The following ZFHX3 variants were observed in gnomAD, a reference collection of about 807,000 sequenced individuals.
ZFHX3 encodes the protein zinc finger homeobox 3, also known as zinc finger homeobox protein 3.
ZFHX3 carries 42 observed loss-of-function variants against 279.1 expected under a neutral mutation model. The ratio of observed to expected loss-of-function variants is 0.15; its 90% CI spans 0.12 to 0.19. ZFHX3 has a LOEUF of 0.19. ZFHX3 is among the 10% of genes least tolerant of loss of function. The pLI, the probability that ZFHX3 is intolerant of heterozygous loss-of-function variation, is 1.00. For missense variants in ZFHX3, 4,981 were observed against 4,754.0 expected, an observed-to-expected ratio of 1.05 and a Z score of -1.40; for synonymous variants, 2,293 against 1,957.8, an observed-to-expected ratio of 1.17 and a Z score of -4.52.
intron 2 of ZFHX3, among the ~76,000 whole-genome samples, chr16:73,589,149 A>G (rs1282872834): frequency 1.3e-5 from 2 of 148,442 alleles, no homozygotes; most frequent in Non-Finnish European, 3.0e-5. Flanking sequence ...AATCCCAGCT[A>G]CTCAGGAGGC....
At chr16:73,702,990 T>C (rs2053265375) in intron 1 of ZFHX3, among the ~76,000 whole-genome samples, 1 of 152,016 alleles carries the variant, frequency 6.6e-6, no homozygotes, top group Non-Finnish European at 1.5e-5. Context: ...GCAGCGATGA[T>C]AGCGATGGTG....
intron 1 of ZFHX3, among the ~76,000 whole-genome samples, chr16:73,790,927 A>G (rs543700527): frequency 6.6e-6 from 1 of 152,318 alleles, no homozygotes; most frequent in African/African-American, 2.4e-5. Flanking sequence ...AGTTTCAGGT[A>G]CAATTCTTGT....
At chr16:73,016,456 C>T (rs1388759932) in intron 1 of ZFHX3, among the ~76,000 whole-genome samples, 5 of 152,050 alleles carry the variant, frequency 3.3e-5, no homozygotes, top group Admixed American at 3.3e-4. Context: ...GTGAAAGATA[C>T]GACTTTGAAT....
intron 4 of ZFHX3, among the ~76,000 whole-genome samples, chr16:72,849,789 G>C (rs998522399): frequency 7.2e-6 from 1 of 137,950 alleles, no homozygotes; most frequent in African/African-American, 2.7e-5. Context: ...CCTGTCAAGA[G>C]TGCCTTTACT....
At position 73,703,709 on chromosome 16, in the gene ZFHX3, T is replaced by C. The variant is rs1021670511; in HGVS notation, c.-1607-23469A>G. 2.0e-5 allele frequency among the ~76,000 whole-genome samples: 3 copies of C among 152,160 alleles called. No homozygotes were observed. The South Asian group carries it at 6.2e-4, about 32-fold the overall frequency. ...GCCTGGCAGACACTGGACTGGACTT[T>C]GCAATAACTGAACAGAAGTACATTA... On this transcript the variant is annotated intron_variant, in intron 1 of 17. Transcript: ENST00000641206.
intron 1 of ZFHX3, among the ~76,000 whole-genome samples, chr16:73,805,981 T>A (rs1330430173): frequency 1.3e-5 from 2 of 152,240 alleles, no homozygotes; most frequent in East Asian, 3.9e-4. Context: ...GAAAAGAGAT[T>A]TAATTGACTC....
chr16:73,683,767 G>C (rs2053051002), intron 1 of ZFHX3, among the ~76,000 whole-genome samples: 2 of 152,254 alleles, frequency 1.3e-5, no homozygotes, highest in South Asian at 4.1e-4. Flanking sequence ...TTGAAACTGA[G>C]TGCAACTCTG....
intron 2 of ZFHX3, among the ~76,000 whole-genome samples, chr16:73,625,486 T>C (rs2052406232): frequency 6.6e-6 from 1 of 152,264 alleles, no homozygotes; most frequent in South Asian, 2.1e-4. Context: ...TCCTGCAAGA[T>C]ATCCATTATG....
intron 2 of ZFHX3, among the ~76,000 whole-genome samples, chr16:73,643,229 A>C (rs1163598173): frequency 6.6e-6 from 1 of 152,126 alleles, no homozygotes; most frequent in Non-Finnish European, 1.5e-5. Flanking sequence ...AAGAGATTTA[A>C]TTCCTCACAG....
chr16:73,544,145 G>A (rs1043483612), intron 2 of ZFHX3: 3 of 152,152 alleles, frequency 2.0e-5, no homozygotes, highest in Non-Finnish European at 4.4e-5. Flanking sequence ...ACTGCACCGG[G>A]AATTATTCGT....
chr16:73,502,085 G>A (rs979616881), intron 2 of ZFHX3, among the ~76,000 whole-genome samples: 1 of 151,934 alleles, frequency 6.6e-6, no homozygotes, highest in Non-Finnish European at 1.5e-5. Flanking sequence ...TAAAGGTACA[G>A]CATTAAAAGT....
At chr16:73,516,770 A>G (rs1013119863) in intron 2 of ZFHX3, among the ~76,000 whole-genome samples, 6 of 152,224 alleles carry the variant, frequency 3.9e-5, no homozygotes, top group Non-Finnish European at 7.3e-5. Context: ...CCCAAGGCCC[A>G]GAGCAGTGTC....
intron 3 of ZFHX3, among the ~76,000 whole-genome samples, chr16:73,450,008 C>T (rs2018256377): frequency 6.6e-6 from 1 of 152,008 alleles, no homozygotes; most frequent in African/African-American, 2.4e-5. Flanking sequence ...CATGCATAAC[C>T]CTATTTTAAA....
intron 2 of ZFHX3, among the ~76,000 whole-genome samples, chr16:73,639,857 GA>G (rs1190156557): frequency 6.6e-6 from 1 of 152,024 alleles, no homozygotes; most frequent in African/African-American, 2.4e-5. Flanking sequence ...AATCTTTAAG[GA>G]AAAAAAGCCA....
At chr16:73,541,945 G>A (rs907756410) in intron 2 of ZFHX3, among the ~76,000 whole-genome samples, 1 of 151,684 alleles carries the variant, frequency 6.6e-6, no homozygotes, top group African/African-American at 2.4e-5. Context: ...AGGACTATAG[G>A]CACCTGCCAC....
At chr16:72,971,251 A>T (rs910885550) in intron 1 of ZFHX3, among the ~76,000 whole-genome samples, 1 of 152,232 alleles carries the variant, frequency 6.6e-6, no homozygotes, top group Non-Finnish European at 1.5e-5. Flanking sequence ...ACATTTAAAC[A>T]ATTCCCAATA....
At chr16:73,043,917 G>A (rs910822627) in intron 1 of ZFHX3, among the ~76,000 whole-genome samples, 1 of 152,162 alleles carries the variant, frequency 6.6e-6, no homozygotes, top group African/African-American at 2.4e-5. Flanking sequence ...CTTTAATCTG[G>A]ATTTTCAAAG....
chr16:73,810,621 C>T (rs1055970586), intron 1 of ZFHX3, among the ~76,000 whole-genome samples: 1 of 152,016 alleles, frequency 6.6e-6, no homozygotes, highest in South Asian at 2.1e-4. Flanking sequence ...TAAATTATGG[C>T]ATTTATTATT....
intron 2 of ZFHX3, 117 bp downstream of exon 2, chr16:72,957,310 A>G: frequency 1.5e-6 from 2 of 1,295,474 alleles, no homozygotes; most frequent in Non-Finnish European, 1.1e-6. Context: ...CAGTTTACAC[A>G]AAAACCACTC....
Sources: gnomAD v4.1 joint callset for allele counts (sites outside exome capture counted in the v4.1 genomes callset) on GRCh38, gnomAD v4.1.1 for gene constraint, MANE v1.5 for transcripts, NCBI Gene and HGNC (gene_info 2026-07-23, HGNC 2026-07-21) for gene names.